Variants in NTM observed in about 807,000 individuals in gnomAD.
NTM encodes the protein IgLON family member 2.
Under a neutral mutation model 42.1 loss-of-function variants are expected in NTM, and 13 were observed. That is an observed-to-expected ratio of 0.31 (90% CI 0.20 to 0.49). NTM has a LOEUF of 0.49. Ranked by LOEUF, NTM falls within the 20% of genes least tolerant of loss-of-function variation. NTM has a pLI of 0.99. For missense variants in NTM, 373 were observed against 452.8 expected (o/e 0.82, Z 1.60); for synonymous variants, 187 against 179.2 (o/e 1.04, Z -0.35).
At position 131,399,597 on chromosome 11, in the gene NTM, T is replaced by C. The variant is rs534381791; in HGVS notation, c.82+28709T>C. Reference sequence around the variant, plus strand: ...GGGGCTTTGAGTCCTGGAAGTGTGGTTGCTAATCCTATACTCTTACCCTCA... The same window carrying C: ...GGGGCTTTGAGTCCTGGAAGTGTGGCTGCTAATCCTATACTCTTACCCTCA... On this transcript the variant is annotated intron_variant, in intron 1 of 8. Coordinates refer to ENST00000683400, the MANE Select transcript of NTM (RefSeq NM_001352005.2). 3.3e-4 allele frequency among the ~76,000 whole-genome samples: 50 copies of C among 152,326 alleles called. 1 individual carries two copies. The South Asian group carries it at 9.7e-3, about 30-fold the overall frequency.
intron 6 of NTM, among the ~76,000 whole-genome samples, chr11:132,311,358 A>T (rs2136104504): frequency 6.6e-6 from 1 of 152,278 alleles, no homozygotes; most frequent in South Asian, 2.1e-4. Context: ...TTAAAAAAAA[A>T]TTTTTAAGGA....
intron 2 of NTM, among the ~76,000 whole-genome samples, chr11:131,985,409 G>A (rs1260440180): frequency 6.6e-6 from 1 of 152,000 alleles, no homozygotes; most frequent in Non-Finnish European, 1.5e-5. Flanking sequence ...ATTAACTAGG[G>A]GCACATTAGT....
At chr11:131,377,062 C>A (rs1942066986) in intron 1 of NTM, among the ~76,000 whole-genome samples, 1 of 152,206 alleles carries the variant, frequency 6.6e-6, no homozygotes, top group Admixed American at 6.5e-5. Flanking sequence ...AGGGTGGAGA[C>A]TTCATGGCAC....
At chr11:131,844,400 A>C (rs1182570035) in intron 1 of NTM, among the ~76,000 whole-genome samples, 2 of 152,080 alleles carry the variant, frequency 1.3e-5, no homozygotes. Context: ...GCATTTTGCT[A>C]TCTGGTAGGA....
At chr11:131,790,716 C>T (rs1449627733) in intron 1 of NTM, among the ~76,000 whole-genome samples, 1 of 152,322 alleles carries the variant, frequency 6.6e-6, no homozygotes, top group African/African-American at 2.4e-5. Flanking sequence ...TGGCTAATAT[C>T]TAGTCCTCTT....
chr11:132,332,951 G>A (rs546369603), intron 8 of NTM, among the ~76,000 whole-genome samples: 4 of 152,120 alleles, frequency 2.6e-5, no homozygotes, highest in African/African-American at 9.7e-5. Flanking sequence ...GGGAGGGAGC[G>A]GGAGACGGGA....
chr11:132,133,598 G>A (rs4937674), intron 2 of NTM, among the ~76,000 whole-genome samples: 132,453 of 152,156 alleles, frequency 0.87, 58,264 homozygotes, highest in Non-Finnish European at 0.92. Flanking sequence ...ATGGGCCACA[G>A]AGACCCCTGA....
intron 7 of NTM, among the ~76,000 whole-genome samples, chr11:132,320,877 C>A (rs542194891): frequency 2.0e-5 from 3 of 151,490 alleles, no homozygotes; most frequent in Non-Finnish European, 4.4e-5. Context: ...CCCTGACCCC[C>A]GAGCAGCCTA....
chr11:131,521,107 G>A (rs1272976563), intron 1 of NTM, among the ~76,000 whole-genome samples: 5 of 151,834 alleles, frequency 3.3e-5, no homozygotes, highest in Non-Finnish European at 7.4e-5. Flanking sequence ...GGTGGATCAC[G>A]AGGTCAGGAG....
intron 1 of NTM, among the ~76,000 whole-genome samples, chr11:131,738,681 GC>G (rs1447025848): frequency 1.3e-5 from 2 of 152,154 alleles, no homozygotes; most frequent in African/African-American, 4.8e-5. Context: ...ATGTTCTGTG[GC>G]CCTCAGGTGG....
intron 1 of NTM, among the ~76,000 whole-genome samples, chr11:131,463,262 C>T (rs1041279288): frequency 6.6e-6 from 1 of 152,218 alleles, no homozygotes; most frequent in Non-Finnish European, 1.5e-5. Flanking sequence ...CTGGTGCTGC[C>T]TTAAACGACA....
chr11:131,800,580 C>T (rs879492820), intron 1 of NTM, among the ~76,000 whole-genome samples: 3 of 152,232 alleles, frequency 2.0e-5, no homozygotes, highest in Admixed American at 6.5e-5. Context: ...TTCCCCTGAG[C>T]CTGGCATGCT....
intron 1 of NTM, among the ~76,000 whole-genome samples, chr11:131,692,602 C>A (rs2074931476): frequency 6.6e-6 from 1 of 152,194 alleles, no homozygotes; most frequent in South Asian, 2.1e-4. Context: ...AGAGCGTTTC[C>A]ATTTTGGCAT....
At position 131,593,954 on chromosome 11, in the gene NTM, A is replaced by G. The variant is rs79023660; in HGVS notation, c.82+223066A>G. 5.6e-3 allele frequency among the ~76,000 whole-genome samples: 852 copies of G among 152,166 alleles called. 12 individuals carry two copies. The highest frequency in any genetic ancestry group is 0.019 in the African/African-American group (800 of 41,520). On this transcript the variant is annotated intron_variant, in intron 1 of 8. Coordinates refer to ENST00000683400, the MANE Select transcript of NTM (RefSeq NM_001352005.2). ...GGTGCCCAGTGGATCTTTTACATGG[A>G]TTTGTTAGGATGAATGCATTCAGAG...
intron 3 of NTM, among the ~76,000 whole-genome samples, chr11:132,172,009 A>C (rs1374455869): frequency 6.6e-6 from 1 of 152,188 alleles, no homozygotes; most frequent in Non-Finnish European, 1.5e-5. Context: ...ATTGGTGCTC[A>C]TTCAGACAGC....
At chr11:131,584,472 AT>A (rs2058683995) in intron 1 of NTM, among the ~76,000 whole-genome samples, 1 of 152,132 alleles carries the variant, frequency 6.6e-6, no homozygotes. Flanking sequence ...GGAAGTGAGA[AT>A]TTTAAGTGAG....
intron 1 of NTM, among the ~76,000 whole-genome samples, chr11:131,783,894 G>A (rs2088644186): frequency 6.6e-6 from 1 of 152,120 alleles, no homozygotes; most frequent in African/African-American, 2.4e-5. Context: ...TTTGGCAAAT[G>A]ACTTGTAACC....
At chr11:132,083,885 T>G (rs2059383491) in intron 2 of NTM, among the ~76,000 whole-genome samples, 1 of 152,104 alleles carries the variant, frequency 6.6e-6, no homozygotes, top group South Asian at 2.1e-4. Context: ...GCTCCAAATT[T>G]TTTCACAGGA....
intron 3 of NTM, among the ~76,000 whole-genome samples, chr11:132,177,090 C>A (rs994321430): frequency 6.6e-6 from 1 of 152,162 alleles, no homozygotes; most frequent in African/African-American, 2.4e-5. Flanking sequence ...TGACACATTA[C>A]AGGAGAATGC....
Sources: gnomAD v4.1 joint callset for allele counts (sites outside exome capture counted in the v4.1 genomes callset) on GRCh38, gnomAD v4.1.1 for gene constraint, MANE v1.5 for transcripts, NCBI Gene and HGNC (gene_info 2026-07-23, HGNC 2026-07-21) for gene names.